PABPC1L: variants seen among roughly 807,000 people sequenced by gnomAD.
The protein encoded by PABPC1L is poly(A) binding protein cytoplasmic 1 like.
In PABPC1L, 31 loss-of-function variants were observed where a neutral mutation model predicts 66.6. The ratio of observed to expected loss-of-function variants is 0.47; its 90% confidence interval spans 0.35 to 0.63. PABPC1L has a LOEUF of 0.63. Ranked by LOEUF, PABPC1L falls within the 20% of genes least tolerant of loss-of-function variation. The pLI is 0.00. For missense variants in PABPC1L, 722 were observed against 848.8 expected (o/e 0.85, Z 1.86); for synonymous variants, 348 against 335.1 (o/e 1.04, Z -0.42).
At chr20:44,930,747 C>G (rs61745391) in intron 8 of PABPC1L, 21 bp downstream of exon 8, 1 of 1,605,496 alleles carries the variant, frequency 6.2e-7, no homozygotes, top group Non-Finnish European at 8.5e-7. Flanking sequence ...GCCCGCAACT[C>G]CCACCGCAGC....
In PABPC1L at chr20:44,916,767, C is replaced by T. The variant is rs779577294; in HGVS notation, c.399C>T (p.Asp133=). The change falls in exon 3 of 15, where the codon GAC becomes GAT. Residue 133 remains aspartate, a synonymous_variant. Transcript: ENST00000217073. ...TCCCTGTGGCCCAGGTGGCGTGTGACGAGCATGGCTCCCGGGGTTTCGGCT... is the reference window on the plus strand; with the variant it reads ...TCCCTGTGGCCCAGGTGGCGTGTGATGAGCATGGCTCCCGGGGTTTCGGCT... The part of the protein sequence containing the change: ...GNILSCKVAC[D]EHGSRGFGFV... 2.8e-5 allele frequency: 45 copies of T among 1,614,082 alleles called. No individual in the cohort carries two copies. Among genetic ancestry groups the T allele is most frequent in the Non-Finnish European group, 3.3e-5 (39 of 1,180,038 alleles).
At chr20:44,916,002 AT>A (rs71337895) in intron 2 of PABPC1L, among the ~76,000 whole-genome samples, 3 of 145,782 alleles carry the variant, frequency 2.1e-5, no homozygotes, top group Admixed American at 1.4e-4. Context: ...GCCTGAATGG[AT>A]TTTTTTTTTC....
chr20:44,916,897 G>T (rs755264922), intron 3 of PABPC1L, 26 bp downstream of exon 3: 1 of 1,604,572 alleles, frequency 6.2e-7, no homozygotes, highest in Admixed American at 1.7e-5. Flanking sequence ...CGAGGGAGGG[G>T]CGGAGGCTGC....
At chr20:44,916,180 G>T (rs1320287044) in intron 2 of PABPC1L, among the ~76,000 whole-genome samples, 1 of 152,144 alleles carries the variant, frequency 6.6e-6, no homozygotes, top group Non-Finnish European at 1.5e-5. Context: ...TAACCCTTTT[G>T]CCCATTGCCT....
intron 7 of PABPC1L, among the ~76,000 whole-genome samples, chr20:44,927,876 C>A (rs1466676590): frequency 6.6e-6 from 1 of 151,912 alleles, no homozygotes; most frequent in Non-Finnish European, 1.5e-5. Flanking sequence ...ATTACCCAGG[C>A]TGGTCTCAAA....
rs533472243 is a variant in PABPC1L, at chr20:44,910,857, AC to A, written c.193+523del. On this transcript the variant is annotated intron_variant, in intron 1 of 14. Coordinates refer to ENST00000217073, the MANE Select transcript of PABPC1L (RefSeq NM_001372179.1). The stretch of plus-strand genomic sequence containing the variant: ...CGTGAGATCCACACTGGGCGCCTCT[AC>A]CTGCACGGGCTCTGAAAAACCGCTG... Among the ~76,000 whole-genome samples, 662 of 152,310 alleles carry A rather than the reference AC, an allele frequency of 4.3e-3. 1 individual carries two copies. The highest frequency in any genetic ancestry group is 0.01 in the Middle Eastern group (3 of 294).
In PABPC1L at chr20:44,924,313, T is replaced by TC. The variant is rs1353712994; in HGVS notation, c.972+63dup. ...GTTCCCCTCCATCCTCTCACCACCA[T>TC]CCCCCCACAACCCCACCCCTCCACC... On this transcript the variant is annotated intron_variant, in intron 7 of 14. Transcript: ENST00000217073. The TC allele has an allele frequency of 8.1e-6, 11 of 1,360,602 alleles. No homozygotes were observed. The Admixed American group carries it at 1.4e-4, about 17-fold the overall frequency. 84.3% of individuals were successfully genotyped at this position (1,360,602 alleles called of 1,614,324 possible). A position where few individuals can be genotyped will look rare whatever the true frequency, so the allele number is the denominator to read the frequency against.
Position 44,933,155 on chromosome 20 carries a change from C to A in PABPC1L, c.1429C>A (p.Pro477Thr). The A allele has an allele frequency of 1.2e-6, 2 of 1,608,948 alleles. No individual in the cohort carries two copies. Among genetic ancestry groups the A allele is most frequent in the Non-Finnish European group, 8.5e-7 (1 of 1,178,288 alleles). Reference protein sequence around the residue: ...SSVRQASTQVPRTVPHTQRVA... With the variant: ...SSVRQASTQVTRTVPHTQRVA... ...TGTCAGGCAGGCCTCCACCCAGGTGCCACGCACGGTGCCTCATACCCAGAG... is the reference window on the plus strand; with the variant it reads ...TGTCAGGCAGGCCTCCACCCAGGTGACACGCACGGTGCCTCATACCCAGAG... The change falls in exon 10 of 15, where the codon CCA becomes ACA. Residue 477 changes from proline to threonine, a missense_variant. Coordinates refer to ENST00000217073, the MANE Select transcript of PABPC1L (RefSeq NM_001372179.1).
chr20:44,935,652 C>T (rs2066895919), intron 11 of PABPC1L, among the ~76,000 whole-genome samples, 155 bp downstream of exon 11: 1 of 152,110 alleles, frequency 6.6e-6, no homozygotes, highest in Non-Finnish European at 1.5e-5. Flanking sequence ...ACCCTTACTG[C>T]GAGAAGGGGA....
At chr20:44,924,112 T>A in intron 6 of PABPC1L, 49 bp from the exon 7 acceptor site, 1 of 1,480,160 alleles carries the variant, frequency 6.8e-7, no homozygotes, top group Non-Finnish European at 9.4e-7. Context: ...CCAAGGCAGT[T>A]GGGGCTTGGA....
Position 44,916,987 on chromosome 20 carries a change from A to T in PABPC1L, c.503+116A>T, listed in dbSNP as rs113813522. On this transcript the variant is annotated intron_variant, in intron 3 of 14. Transcript: ENST00000217073. ...AATGGGCACCAGGCACTTGAGCGGC[A>T]GGCAGCCCTCCTAGAAGTGTGAGCC... The T allele has an allele frequency of 5.9e-5, 55 of 937,068 alleles. No homozygotes were observed. The African/African-American group carries it at 7.7e-4, about 13-fold the overall frequency. The allele number at this position is 937,068 out of a possible 1,614,324, so 58.0% of individuals were successfully genotyped here. A position where few individuals can be genotyped will look rare whatever the true frequency, so the allele number is the denominator to read the frequency against.
chr20:44,933,748 A>ATTTT (rs749525367), intron 10 of PABPC1L, among the ~76,000 whole-genome samples: 50 of 119,458 alleles, frequency 4.2e-4, no homozygotes, highest in African/African-American at 1.6e-3. Flanking sequence ...CCCAGCCTTA[A>ATTTT]TTTTTTTTTT....
At chr20:44,920,112 A>T (rs2066763204) in intron 5 of PABPC1L, among the ~76,000 whole-genome samples, 1 of 152,160 alleles carries the variant, frequency 6.6e-6, no homozygotes, top group Non-Finnish European at 1.5e-5. Flanking sequence ...TCCTGCTCCC[A>T]AGGGTTACGT....
intron 7 of PABPC1L, 76 bp from the exon 8 acceptor site, chr20:44,930,384 G>A (rs2066842716): frequency 6.5e-7 from 1 of 1,541,228 alleles, no homozygotes; most frequent in African/African-American, 1.4e-5. Context: ...CTTAGCCCAT[G>A]GGGAGGAGGG....
At chr20:44,928,178 G>A (rs1261568093) in intron 7 of PABPC1L, among the ~76,000 whole-genome samples, 1 of 151,988 alleles carries the variant, frequency 6.6e-6, no homozygotes, top group Non-Finnish European at 1.5e-5. Context: ...AAGAACCTGG[G>A]TTCTGCCTCA....
At chr20:44,918,752 C>T (rs1279520351) in intron 3 of PABPC1L, among the ~76,000 whole-genome samples, 154 bp from the exon 4 acceptor site, 3 of 152,142 alleles carry the variant, frequency 2.0e-5, no homozygotes, top group Admixed American at 1.3e-4. Flanking sequence ...GGTAGCCGGG[C>T]CTTGGGGATG....
intron 14 of PABPC1L, 42 bp from the exon 15 acceptor site, chr20:44,939,084 G>A (rs1480895879): frequency 1.4e-6 from 1 of 717,416 alleles, no homozygotes. Context: ...CTGGGTGTCT[G>A]CCATACTTTA....
intron 3 of PABPC1L, among the ~76,000 whole-genome samples, chr20:44,918,112 G>A (rs1219772511): frequency 1.3e-5 from 2 of 152,114 alleles, no homozygotes; most frequent in African/African-American, 4.8e-5. Context: ...AATCATCTGA[G>A]GTCAGGAGTT....
intron 13 of PABPC1L, 62 bp downstream of exon 13, chr20:44,938,253 C>T: frequency 6.3e-7 from 1 of 1,575,640 alleles, no homozygotes; most frequent in Non-Finnish European, 8.6e-7. Flanking sequence ...ACGACAAGGG[C>T]TCTCCTAGTG....
Sources: allele counts gnomAD v4.1 joint callset (sites outside exome capture counted in the v4.1 genomes callset), GRCh38; gene constraint gnomAD v4.1.1; transcripts MANE v1.5; gene names NCBI Gene and HGNC (gene_info 2026-07-23, HGNC 2026-07-21).